Variants in STOX2 observed in about 807,000 individuals in gnomAD.
STOX2 encodes storkhead box 2, also known as storkhead-box protein 2.
Under a neutral mutation model 60.9 loss-of-function variants are expected in STOX2, and 28 were observed. The ratio of observed to expected loss-of-function variants is 0.46; its 90% CI spans 0.34 to 0.63. The LOEUF is 0.63. Among genes scored for constraint, STOX2 ranks in the 30% least tolerant of loss-of-function variants. STOX2 has a pLI of 0.01. For missense variants in STOX2, 1,024 were observed against 1,187.7 expected, an observed-to-expected ratio of 0.86 and a Z score of 2.03; for synonymous variants, 472 against 463.9, an observed-to-expected ratio of 1.02 and a Z score of -0.22.
At chr4:183,864,516 C>A (rs1740521252) in intron 1 of STOX2, among the ~76,000 whole-genome samples, 1 of 152,150 alleles carries the variant, frequency 6.6e-6, no homozygotes, top group African/African-American at 2.4e-5. Context: ...GCCTCAGCCT[C>A]CCGAGTAGCT....
intron 1 of STOX2, among the ~76,000 whole-genome samples, chr4:183,811,182 G>A (rs1170685255): frequency 1.3e-5 from 2 of 152,164 alleles, no homozygotes; most frequent in African/African-American, 2.4e-5. Flanking sequence ...GGACGGGGAG[G>A]GGTGATAGAT....
At position 184,012,120 on chromosome 4, in the gene STOX2, A is replaced by C. The variant is rs192105193; in HGVS notation, c.2585+697A>C. 5.3e-5 allele frequency among the ~76,000 whole-genome samples: 8 copies of C among 152,340 alleles called. No homozygotes were observed. In the East Asian group the frequency reaches 1.5e-3, roughly 29 times the overall value. On this transcript the variant is annotated intron_variant, in intron 3 of 3. Transcript: ENST00000308497. The stretch of plus-strand genomic sequence containing the variant: ...GTCTAATTGTAGTTCCTTCTTGTTA[A>C]TAGGTGTTAGTTCAGCAAAGGGTTG...
chr4:183,999,591 A>G (rs1480653258), intron 1 of STOX2, among the ~76,000 whole-genome samples: 1 of 152,090 alleles, frequency 6.6e-6, no homozygotes, highest in South Asian at 2.1e-4. Context: ...GGGGCGTTGA[A>G]CTGAGCTGGG....
intron 1 of STOX2, among the ~76,000 whole-genome samples, chr4:183,973,166 A>G (rs565735946): frequency 2.0e-5 from 3 of 152,326 alleles, no homozygotes; most frequent in Admixed American, 1.3e-4. Flanking sequence ...TGTGATTTGA[A>G]GAAATAATGG....
At chr4:183,798,572 C>T (rs371580289) in intron 1 of STOX2, 10 of 963,458 alleles carry the variant, frequency 1.0e-5, no homozygotes, top group Non-Finnish European at 1.2e-5. Flanking sequence ...AGGGTTGAGG[C>T]TGAGTGTTGC....
intron 2 of STOX2, among the ~76,000 whole-genome samples, chr4:184,004,998 T>G (rs6853732): frequency 0.67 from 102,551 of 152,010 alleles, 36,302 homozygotes; most frequent in Middle Eastern, 0.8. Flanking sequence ...CTGTCTCCCA[T>G]TCGTCTCCTT....
At chr4:183,962,132 A>G (rs1743430726) in intron 1 of STOX2, among the ~76,000 whole-genome samples, 1 of 152,210 alleles carries the variant, frequency 6.6e-6, no homozygotes, top group African/African-American at 2.4e-5. Flanking sequence ...TAATTAAACA[A>G]TTTTTAGGTT....
intron 1 of STOX2, among the ~76,000 whole-genome samples, chr4:183,976,155 T>TA (rs1175487751): frequency 2.0e-5 from 3 of 151,878 alleles, no homozygotes; most frequent in Non-Finnish European, 4.4e-5. Flanking sequence ...TACTAAAAAA[T>TA]ACAAAAATTA....
intron 1 of STOX2, among the ~76,000 whole-genome samples, chr4:183,936,460 G>A (rs73000649): frequency 6.6e-6 from 1 of 150,744 alleles, no homozygotes; most frequent in Non-Finnish European, 1.5e-5. Context: ...ATTGGCGTCA[G>A]TATCTTTTAC....
chr4:183,938,082 G>A (rs1012002080), intron 1 of STOX2, among the ~76,000 whole-genome samples: 2 of 152,140 alleles, frequency 1.3e-5, no homozygotes, highest in African/African-American at 4.8e-5. Context: ...CTGGAAGGTC[G>A]AGGCTGCAGT....
Position 183,811,180 on chromosome 4 carries a change from A to AG in STOX2, c.364+13129dup, listed in dbSNP as rs372413218. Among the ~76,000 whole-genome samples, 4 of 152,300 alleles carry AG rather than the reference A, an allele frequency of 2.6e-5. No individual in the cohort carries two copies. The East Asian group carries it at 7.7e-4, about 29-fold the overall frequency. ...ACTGACCAAGTTTCAAAGGACGGGG[A>AG]GGGGTGATAGATGGTACATGGGGAC... On this transcript the variant is annotated intron_variant, in intron 1 of 2. Coordinates refer to the STOX2 transcript ENST00000513034.
At chr4:183,922,507 G>A (rs80152440) in intron 1 of STOX2, among the ~76,000 whole-genome samples, 57 of 151,930 alleles carry the variant, frequency 3.8e-4, no homozygotes, top group African/African-American at 1.4e-3. Context: ...CACCACGCCC[G>A]GCTAATTTTT....
chr4:183,881,945 G>A (rs926148852), intron 1 of STOX2, among the ~76,000 whole-genome samples: 3 of 152,138 alleles, frequency 2.0e-5, no homozygotes, highest in Admixed American at 2.0e-4. Flanking sequence ...AACGTATTTC[G>A]ACTGGTTTGA....
intron 1 of STOX2, among the ~76,000 whole-genome samples, chr4:183,978,136 CA>C: frequency 6.6e-6 from 1 of 152,124 alleles, no homozygotes. Context: ...GTTTTTGTTG[CA>C]TTTCCTTTTG....
At position 183,825,689 on chromosome 4, in the gene STOX2, G is replaced by A. The variant is rs1004163155; in HGVS notation, c.364+27634G>A. On this transcript the variant is annotated intron_variant, in intron 1 of 2. Coordinates refer to the STOX2 transcript ENST00000513034. This position sits in a 1 kb window ranked among gnomAD's most constrained non-coding sequence, Gnocchi z 4.1. Reference sequence around the variant, plus strand: ...TTATTTTCTGAGGATAGCTTGACAGGACAGGGGCAACCTAGACCTAGTGGA... The same window carrying A: ...TTATTTTCTGAGGATAGCTTGACAGAACAGGGGCAACCTAGACCTAGTGGA... Among the ~76,000 whole-genome samples, 1 of 152,110 alleles carries A rather than the reference G, an allele frequency of 6.6e-6. No homozygotes were observed. Among genetic ancestry groups the A allele is most frequent in the Non-Finnish European group, 1.5e-5 (1 of 68,032 alleles).
chr4:183,911,597 C>A (rs931724264), intron 1 of STOX2, among the ~76,000 whole-genome samples: 3 of 152,126 alleles, frequency 2.0e-5, no homozygotes, highest in Non-Finnish European at 4.4e-5. Context: ...CTTTTACATT[C>A]TTTCTAATGT....
chr4:184,013,263 T>G (rs994433365), intron 3 of STOX2, among the ~76,000 whole-genome samples: 3 of 152,250 alleles, frequency 2.0e-5, no homozygotes, highest in Admixed American at 2.0e-4. Flanking sequence ...TAAACAGAGA[T>G]ATTCATGAAA....
At chr4:183,991,502 A>G (rs1372816466) in intron 1 of STOX2, among the ~76,000 whole-genome samples, 1 of 150,454 alleles carries the variant, frequency 6.6e-6, no homozygotes, top group Non-Finnish European at 1.5e-5. Flanking sequence ...GTCTTGGCTC[A>G]CTGCAACCTC....
At chr4:183,801,790 C>T (rs1192594143) in intron 1 of STOX2, among the ~76,000 whole-genome samples, 1 of 151,934 alleles carries the variant, frequency 6.6e-6, no homozygotes, top group Admixed American at 6.6e-5. Context: ...ATGTGAAGAT[C>T]TAGAAGCCAC....
Sources: gnomAD v4.1 joint callset for allele counts (sites outside exome capture counted in the v4.1 genomes callset) on GRCh38, gnomAD v4.1.1 for gene constraint, Gnocchi (gnomAD v3.1) non-coding constraint, MANE v1.5 for transcripts, NCBI Gene and HGNC (gene_info 2026-07-23, HGNC 2026-07-21) for gene names.